The following THAP1 variants were observed in gnomAD, a reference collection of about 807,000 sequenced individuals.
The protein encoded by THAP1 is THAP domain-containing protein 1.
THAP1 carries 6 observed loss-of-function variants against 18.2 expected under a neutral mutation model. The observed-to-expected ratio is 0.33, with a 90% CI of 0.18 to 0.65. The LOEUF (loss-of-function observed/expected upper bound fraction) is 0.65. Ranked by LOEUF, THAP1 falls within the 30% of genes least tolerant of loss-of-function variation. THAP1 has a pLI of 0.74. For synonymous variants in THAP1, 85 were observed against 90.5 expected (o/e 0.94, Z 0.34); for missense variants, 176 against 253.0 (o/e 0.70, Z 2.06).
chr8:42,840,213 T>C (rs1802692017), intron 1 of THAP1, among the ~76,000 whole-genome samples: 1 of 152,120 alleles, frequency 6.6e-6, no homozygotes, highest in Non-Finnish European at 1.5e-5. Flanking sequence ...AAATAACCTG[T>C]ATTCATATTT....
chr8:42,843,119 T>C lies in THAP1; in HGVS notation c.-25A>G. 6.2e-7 allele frequency: 1 copy of C among 1,613,026 alleles called. No individual in the cohort carries two copies. ...TCCTTCCGGTCCTCAGGCACTTCAC[T>C]TCTGCCGCCGCAGAAGGCAGGGGAA... On this transcript the variant is annotated 5_prime_UTR_variant, in exon 1 of 3. Coordinates refer to ENST00000254250, the MANE Select transcript of THAP1 (RefSeq NM_018105.3).
intron 1 of THAP1, among the ~76,000 whole-genome samples, chr8:42,840,804 T>TA (rs1446696552): frequency 6.6e-6 from 1 of 151,718 alleles, no homozygotes; most frequent in Non-Finnish European, 1.5e-5. Flanking sequence ...CTGTCTCTAC[T>TA]AAAAATACAA....
chr8:42,843,284 C>G lies in THAP1; in HGVS notation c.-190G>C. On this transcript the variant is annotated 5_prime_UTR_variant, in exon 1 of 3. Coordinates refer to ENST00000254250, the MANE Select transcript of THAP1 (RefSeq NM_018105.3). ...GTTTGCATTAGCAGAAGGACCACAG[C>G]CATCGCCCGTCTCCCATCTCCAAGA... 1.5e-6 allele frequency: 1 copy of G among 669,750 alleles called. No individual in the cohort carries two copies. The highest frequency in any genetic ancestry group is 1.6e-5 in the South Asian group (1 of 62,204). The allele number at this position is 669,750 out of a possible 1,614,324, so 41.5% of individuals were successfully genotyped here. A position where few individuals can be genotyped will look rare whatever the true frequency, so the allele number is the denominator to read the frequency against.
At chr8:42,842,880 C>T in intron 1 of THAP1, 144 bp downstream of exon 1, 2 of 558,930 alleles carry the variant, frequency 3.6e-6, no homozygotes, top group Non-Finnish European at 4.9e-6. Flanking sequence ...CCCAGCGGGA[C>T]GCGGTGGGAA....
At chr8:42,842,899 C>G in intron 1 of THAP1, 125 bp downstream of exon 1, 1 of 744,506 alleles carries the variant, frequency 1.3e-6, no homozygotes, top group East Asian at 6.2e-5. Context: ...AAACGCCCGA[C>G]ACGGCCGGCC....
intron 1 of THAP1, among the ~76,000 whole-genome samples, chr8:42,840,721 C>G (rs186300436): frequency 6.6e-6 from 1 of 152,262 alleles, no homozygotes; most frequent in Admixed American, 6.5e-5. Flanking sequence ...GTAATCCCAG[C>G]ACTTTGGGAG....
chr8:42,840,363 T>C (rs925606348), intron 1 of THAP1, among the ~76,000 whole-genome samples: 8 of 152,168 alleles, frequency 5.3e-5, no homozygotes, highest in African/African-American at 1.4e-4. Flanking sequence ...TAAAGGCAGA[T>C]AATAACGAAA....
chr8:42,840,218 A>T (rs1435687100), intron 1 of THAP1, among the ~76,000 whole-genome samples: 1 of 152,148 alleles, frequency 6.6e-6, no homozygotes, highest in Non-Finnish European at 1.5e-5. Flanking sequence ...ACCTGTATTC[A>T]TATTTTTTAC....
rs1802620973 is a variant in THAP1, at chr8:42,836,799, C to T, written c.*1163G>A. 1 of 152,540 alleles carries T rather than the reference C, an allele frequency of 6.6e-6. No homozygotes were observed. The highest frequency in any genetic ancestry group is 1.5e-5 in the Non-Finnish European group (1 of 68,024). The allele number at this position is 152,540 out of a possible 1,614,324, so 9.4% of individuals were successfully genotyped here. A position where few individuals can be genotyped will look rare whatever the true frequency, so the allele number is the denominator to read the frequency against. On this transcript the variant is annotated 3_prime_UTR_variant, in exon 3 of 3. Transcript: ENST00000254250. Reference sequence around the variant, plus strand: ...AGTTATTCTAAATCTAAAAAGATAACTCCCATAGCAATATTTGTTTACTCA... The same window carrying T: ...AGTTATTCTAAATCTAAAAAGATAATTCCCATAGCAATATTTGTTTACTCA...
chr8:42,840,466 A>T (rs1056536914), intron 1 of THAP1, among the ~76,000 whole-genome samples: 4 of 152,202 alleles, frequency 2.6e-5, no homozygotes, highest in Admixed American at 6.5e-5. Flanking sequence ...TTACTCTTCC[A>T]AGTTAAGAAT....
Position 42,839,308 on chromosome 8 carries a change from T to G in THAP1, c.145A>C (p.Lys49Gln). The G allele has an allele frequency of 6.2e-7, 1 of 1,614,062 alleles. No individual in the cohort carries two copies. The highest frequency in any genetic ancestry group is 8.5e-7 in the Non-Finnish European group (1 of 1,179,994). Residue 49 changes from lysine (K) to glutamine (Q), a missense_variant, in exon 2 of 3, where the codon AAG (lysine) becomes CAG (glutamine). Coordinates refer to ENST00000254250, the MANE Select transcript of THAP1 (RefSeq NM_018105.3). ...TGCTCTGAACAAATACTGCTATACT[T>G]GGTGGGTTTAAAGTTTTTTCTTCTG... ...AVRRKNFKPT[K>Q]YSSICSEHFT...
intron 1 of THAP1, among the ~76,000 whole-genome samples, chr8:42,839,994 C>T (rs548826067): frequency 1.2e-4 from 18 of 152,056 alleles, no homozygotes; most frequent in East Asian, 1.9e-4. Context: ...TCCAAGAGTT[C>T]GAGACTAGCC....
intron 2 of THAP1, among the ~76,000 whole-genome samples, chr8:42,838,542 C>T (rs1802657978): frequency 6.6e-6 from 1 of 151,968 alleles, no homozygotes; most frequent in Non-Finnish European, 1.5e-5. Context: ...CAAAAATTAG[C>T]CAGATGTGGT....
In THAP1 at chr8:42,837,611, T is replaced by G. The variant is rs1445192894; in HGVS notation, c.*351A>C. 1 of 161,702 alleles carries G rather than the reference T, an allele frequency of 6.2e-6. No homozygotes were observed. Among genetic ancestry groups the G allele is most frequent in the African/African-American group, 2.4e-5 (1 of 41,708 alleles). 10.0% of individuals were successfully genotyped at this position (161,702 alleles called of 1,614,324 possible). A position where few individuals can be genotyped will look rare whatever the true frequency, so the allele number is the denominator to read the frequency against. On this transcript the variant is annotated 3_prime_UTR_variant, in exon 3 of 3. Coordinates refer to ENST00000254250, the MANE Select transcript of THAP1 (RefSeq NM_018105.3). The stretch of plus-strand genomic sequence containing the variant: ...ACAGTACTAATTTTAAGTTTTAAAC[T>G]GAAATCACCCTTTTACCACACTGTT...
intron 1 of THAP1, 134 bp from the exon 2 acceptor site, chr8:42,839,515 A>T (rs1802677056): frequency 4.3e-6 from 4 of 931,876 alleles, no homozygotes; most frequent in Non-Finnish European, 6.4e-6. Context: ...TGGATTAAAG[A>T]TTAGCTCTAG....
At chr8:42,838,414 A>G (rs1802655871) in intron 2 of THAP1, 78 bp from the exon 3 acceptor site, 3 of 1,572,154 alleles carry the variant, frequency 1.9e-6, no homozygotes, top group Non-Finnish European at 2.6e-6. Context: ...GACCAGGCGC[A>G]GTGGCTCATG....
chr8:42,842,904 C>A (rs944950866), intron 1 of THAP1, 120 bp downstream of exon 1: 5 of 777,414 alleles, frequency 6.4e-6, no homozygotes, highest in Non-Finnish European at 5.0e-6. Flanking sequence ...CCCGACACGG[C>A]CGGCCCCAGA....
Position 42,843,124 on chromosome 8 carries a change from C to T in THAP1, c.-30G>A. 9.9e-6 allele frequency: 16 copies of T among 1,612,808 alleles called. No homozygotes were observed. Among genetic ancestry groups the T allele is most frequent in the Non-Finnish European group, 1.4e-5 (16 of 1,179,140 alleles). On this transcript the variant is annotated 5_prime_UTR_variant, in exon 1 of 3. Coordinates refer to ENST00000254250, the MANE Select transcript of THAP1 (RefSeq NM_018105.3). ...CCGGTCCTCAGGCACTTCACTTCTGCCGCCGCAGAAGGCAGGGGAAGCTGT... is the reference window on the plus strand; with the variant it reads ...CCGGTCCTCAGGCACTTCACTTCTGTCGCCGCAGAAGGCAGGGGAAGCTGT...
intron 2 of THAP1, among the ~76,000 whole-genome samples, chr8:42,838,551 G>GTGT (rs2128918502): frequency 6.6e-6 from 1 of 152,186 alleles, no homozygotes; most frequent in South Asian, 2.1e-4. Flanking sequence ...GCCAGATGTG[G>GTGT]TGGTGCACGC....
Sources: allele counts gnomAD v4.1 joint callset (sites outside exome capture counted in the v4.1 genomes callset), GRCh38; gene constraint gnomAD v4.1.1; transcripts MANE v1.5; gene names NCBI Gene and HGNC (gene_info 2026-07-23, HGNC 2026-07-21).